The following PTPRT variants were observed in gnomAD, a reference collection of about 807,000 sequenced individuals.
PTPRT encodes receptor-type tyrosine-protein phosphatase T.
PTPRT carries 56 observed loss-of-function variants against 176.8 expected under a neutral mutation model. The ratio of observed to expected loss-of-function variants is 0.32; its 90% CI spans 0.26 to 0.40. The LOEUF is 0.40. PTPRT is among the 10% of genes least tolerant of loss of function. The probability of loss-of-function intolerance (pLI) is 1.00; values close to 1 mark genes in which losing one functional copy is unlikely to be tolerated. For synonymous variants in PTPRT, 783 were observed against 739.0 expected (o/e 1.06, Z -0.96); for missense variants, 1,540 against 1,908.2 (o/e 0.81, Z 3.60).
At chr20:42,472,175 A>C in intron 8 of PTPRT, 91 bp downstream of exon 8, 1 of 1,396,930 alleles carries the variant, frequency 7.2e-7, no homozygotes, top group Non-Finnish European at 9.8e-7. Flanking sequence ...TTAAAAATGT[A>C]GGAAAAATAA....
the PTPRT span, among the ~76,000 whole-genome samples, chr20:42,048,485 A>C: frequency 6.6e-6 from 1 of 152,274 alleles, no homozygotes; most frequent in Admixed American, 6.5e-5. Context: ...TGGGGCACTC[A>C]CATTTTGTGC....
chr20:42,592,570 T>C (rs1033718371), intron 7 of PTPRT, among the ~76,000 whole-genome samples: 1 of 152,148 alleles, frequency 6.6e-6, no homozygotes, highest in East Asian at 1.9e-4. Flanking sequence ...CAGTGAAGCT[T>C]GGGAGGCATT....
At chr20:43,035,403 C>A (rs946912671) in intron 1 of PTPRT, among the ~76,000 whole-genome samples, 4 of 152,136 alleles carry the variant, frequency 2.6e-5, no homozygotes, top group Non-Finnish European at 5.9e-5. Context: ...GTGGGCCATA[C>A]GGTCTCTGCG....
intron 7 of PTPRT, among the ~76,000 whole-genome samples, chr20:42,570,942 C>T (rs1238250579): frequency 7.6e-6 from 1 of 131,654 alleles, no homozygotes; most frequent in Non-Finnish European, 1.6e-5. Flanking sequence ...CGGACATAGA[C>T]ATTTTTTATC....
At chr20:42,634,756 T>C (rs1253303277) in intron 7 of PTPRT, among the ~76,000 whole-genome samples, 1 of 152,162 alleles carries the variant, frequency 6.6e-6, no homozygotes, top group Non-Finnish European at 1.5e-5. Context: ...ATGAGTTTGC[T>C]TCAAAATGTA....
intron 1 of PTPRT, among the ~76,000 whole-genome samples, chr20:43,061,485 G>A (rs1395602553): frequency 6.6e-6 from 1 of 152,154 alleles, no homozygotes; most frequent in Non-Finnish European, 1.5e-5. Context: ...CTTGGACCGT[G>A]AGCCCAGATG....
intron 7 of PTPRT, among the ~76,000 whole-genome samples, chr20:42,625,182 GA>G (rs200292117): frequency 0.015 from 2,328 of 152,286 alleles, 26 homozygotes; most frequent in South Asian, 0.026. Context: ...TTCTGGAGCT[GA>G]AAGTCCTCAC....
At chr20:42,420,468 G>GA (rs948942750) in intron 9 of PTPRT, among the ~76,000 whole-genome samples, 2 of 151,772 alleles carry the variant, frequency 1.3e-5, no homozygotes, top group Admixed American at 1.3e-4. Flanking sequence ...GAGAGAGAGA[G>GA]AAAAAACAAA....
rs555773065 is a variant in PTPRT, at chr20:42,796,100, C to T, written c.215-4634G>A. Among the ~76,000 whole-genome samples the T allele has an allele frequency of 1.2e-4, 18 of 152,246 alleles. No homozygotes were observed. In the East Asian group the frequency reaches 3.1e-3, roughly 26 times the overall value. On this transcript the variant is annotated intron_variant, in intron 2 of 30. Transcript: ENST00000373187. ...AGAGGTAAAGTCATTTTCTTAAAGC[C>T]ACATAGCCAGAAAGTGATAAATACT...
At chr20:42,768,630 G>A (rs551775690) in intron 5 of PTPRT, among the ~76,000 whole-genome samples, 3 of 152,166 alleles carry the variant, frequency 2.0e-5, no homozygotes, top group Non-Finnish European at 2.9e-5. Context: ...AGTTAGTAAC[G>A]TGTGCAGAAA....
At chr20:42,857,289 T>C (rs2145780433) in intron 2 of PTPRT, among the ~76,000 whole-genome samples, 1 of 152,294 alleles carries the variant, frequency 6.6e-6, no homozygotes, top group Non-Finnish European at 1.5e-5. Flanking sequence ...ATCCTGACCT[T>C]CCACTGCCCA....
chr20:42,582,793 G>A (rs1447537966), intron 7 of PTPRT, among the ~76,000 whole-genome samples: 1 of 152,102 alleles, frequency 6.6e-6, no homozygotes, highest in African/African-American at 2.4e-5. Flanking sequence ...GAAACCTATG[G>A]AACATTTCAG....
At chr20:42,541,102 A>G (rs2145578133) in intron 7 of PTPRT, among the ~76,000 whole-genome samples, 1 of 152,344 alleles carries the variant, frequency 6.6e-6, no homozygotes, top group Admixed American at 6.5e-5. Context: ...GATTTAAACT[A>G]TGCGCACATA....
At chr20:43,039,184 T>C (rs919289868) in intron 1 of PTPRT, among the ~76,000 whole-genome samples, 1 of 152,178 alleles carries the variant, frequency 6.6e-6, no homozygotes, top group African/African-American at 2.4e-5. Context: ...TGAAAACATA[T>C]CATAGCTACA....
the PTPRT span, among the ~76,000 whole-genome samples, chr20:42,054,789 C>T: frequency 1.3e-5 from 2 of 152,096 alleles, no homozygotes; most frequent in Non-Finnish European, 2.9e-5. Flanking sequence ...ACTGATATGC[C>T]GAATAGGTGC....
At chr20:42,346,444 T>G (rs538416416) in intron 11 of PTPRT, among the ~76,000 whole-genome samples, 2 of 152,342 alleles carry the variant, frequency 1.3e-5, no homozygotes, top group African/African-American at 4.8e-5. Flanking sequence ...TTCTAGTCAC[T>G]ATTTGATTGA....
chr20:42,744,368 TA>T (rs1022431057), intron 6 of PTPRT, among the ~76,000 whole-genome samples: 10 of 151,884 alleles, frequency 6.6e-5, no homozygotes, highest in East Asian at 5.8e-4. Flanking sequence ...GAGGAGACTT[TA>T]AAAAAAAATC....
downstream of PTPRT, among the ~76,000 whole-genome samples, chr20:42,069,747 C>CT (rs1308830895): frequency 6.6e-6 from 1 of 152,176 alleles, no homozygotes; most frequent in African/African-American, 2.4e-5. Context: ...GTATATGTCT[C>CT]TATCTATTCA....
chr20:42,483,594 A>G (rs980259558), intron 7 of PTPRT, among the ~76,000 whole-genome samples: 2 of 152,220 alleles, frequency 1.3e-5, no homozygotes, highest in Admixed American at 6.5e-5. Context: ...ATTGGGTCCA[A>G]TCAGGGCTAG....
Sources: gnomAD v4.1 joint callset for allele counts (sites outside exome capture counted in the v4.1 genomes callset) on GRCh38, gnomAD v4.1.1 for gene constraint, MANE v1.5 for transcripts, NCBI Gene and HGNC (gene_info 2026-07-23, HGNC 2026-07-21) for gene names.